The following XPC variants were observed in gnomAD, a reference collection of about 807,000 sequenced individuals.
XPC encodes XPC complex subunit, DNA damage recognition and repair factor, also known as DNA repair protein complementing XP-C cells.
XPC carries 76 observed loss-of-function variants against 95.8 expected under a neutral mutation model. The ratio of observed to expected loss-of-function variants is 0.79; its 90% CI spans 0.66 to 0.96. XPC has a LOEUF of 0.96. XPC is among the 40% of genes least tolerant of loss of function. XPC has a pLI of 0.00. For synonymous variants in XPC, 442 were observed against 442.1 expected, an observed-to-expected ratio of 1.00 and a Z score of 0.00; for missense variants, 1,146 against 1,179.8, an observed-to-expected ratio of 0.97 and a Z score of 0.42.
chr3:14,168,917 A>G (rs920768301), intron 3 of XPC, among the ~76,000 whole-genome samples: 1 of 152,244 alleles, frequency 6.6e-6, no homozygotes, highest in Non-Finnish European at 1.5e-5. Context: ...GTAGCTGAGA[A>G]GGACTGAACT....
At position 14,145,988 on chromosome 3, in the gene XPC, C is replaced by T. The variant is rs751002148; in HGVS notation, c.2776G>A (p.Glu926Lys). The T allele has an allele frequency of 6.2e-7, 1 of 1,608,954 alleles. No homozygotes were observed. ...AGGTGGGAAGCTGCTGCTTTCTTTT[C>T]CCTTTTGGTCTTCTTGGGCCCACCC... is the stretch of plus-strand genomic sequence containing the variant. The part of the protein sequence containing the change: ...LKGGPKKTKR[E>K]KKAAASHLFP... The change falls in exon 16 of 16, where the codon GAA becomes AAA. Residue 926 changes from glutamate to lysine, a missense_variant. Coordinates refer to ENST00000285021, the MANE Select transcript of XPC (RefSeq NM_004628.5).
rs749846358 is a variant in XPC, at chr3:14,148,691, G to A, written c.2291C>T (p.Pro764Leu). ...GACACAGCCAATAGGCATCATGCTG[G>A]GCAGGAAGAGGTACACATTCCCAAA... ...NEFGNVYLFL[P>L]SMMPIGCVQL... is the part of the protein sequence containing the mutation. Residue 764 changes from proline (P) to leucine (L), a missense_variant, in exon 13 of 16, where the codon CCC (proline) becomes CTC (leucine). Transcript: ENST00000285021. 4 of 1,613,894 alleles carry A rather than the reference G, an allele frequency of 2.5e-6. No individual in the cohort carries two copies. In the South Asian group the frequency reaches 4.4e-5, roughly 18 times the overall value.
chr3:14,145,696 T>C lies in XPC; in HGVS notation c.*245A>G, dbSNP rs571251753. 18 of 700,460 alleles carry C rather than the reference T, an allele frequency of 2.6e-5. No homozygotes were observed. Among genetic ancestry groups the C allele is most frequent in the Middle Eastern group, 7.3e-4 (2 of 2,736 alleles). 43.4% of individuals were successfully genotyped at this position (700,460 alleles called of 1,614,324 possible). A position where few individuals can be genotyped will look rare whatever the true frequency, so the allele number is the denominator to read the frequency against. ...TGTAGCTCAAAGGGTGAGTGGGCTT[T>C]GGTAGCAAAAAGCTTTGAAGGCTTC... On this transcript the variant is annotated 3_prime_UTR_variant, in exon 16 of 16. Coordinates refer to ENST00000285021, the MANE Select transcript of XPC (RefSeq NM_004628.5).
At chr3:14,178,376 G>T (rs2125053177) in intron 1 of XPC, 90 bp downstream of exon 1, 1 of 1,412,242 alleles carries the variant, frequency 7.1e-7, no homozygotes, top group African/African-American at 1.5e-5. Flanking sequence ...ACCTCCACCA[G>T]GCCTCCGCGT....
In XPC at chr3:14,168,284, G is replaced by A. The variant is rs1696468163; in HGVS notation, c.509C>T (p.Pro170Leu). The change falls in exon 4 of 16, where the codon CCA (proline) becomes CTA (leucine). Residue 170 changes from proline to leucine, a missense_variant. Transcript: ENST00000285021. ...TCTTTCTCTTGTCTTCGCCTGCTCT[G>A]GCGTTTCAATCTCTATCTCCACTGG... is the stretch of plus-strand genomic sequence containing the variant. ...VKPVEIEIET[P>L]EQAKTRERSE... 6.2e-7 allele frequency: 1 copy of A among 1,613,330 alleles called. No individual in the cohort carries two copies. Among genetic ancestry groups the A allele is most frequent in the East Asian group, 2.2e-5 (1 of 44,868 alleles).
chr3:14,147,332 A>G lies in XPC; in HGVS notation c.2562T>C (p.Gly854=). The G allele has an allele frequency of 1.2e-6, 2 of 1,612,074 alleles. No individual in the cohort carries two copies. The highest frequency in any genetic ancestry group is 1.7e-5 in the Admixed American group (1 of 59,826). Residue 854 remains glycine, a synonymous_variant, in exon 15 of 16, where the codon GGT becomes GGC. Transcript: ENST00000285021. ...ALGNWKLLAK[G]LLIRERLKRR... The stretch of plus-strand genomic sequence containing the variant: ...GCTTCAGCCTCTCCCTGATGAGCAG[A>G]CCTTTGGCCAGCAACTTCCAGTTCC...
chr3:14,148,508 G>T (rs1032634922), intron 13 of XPC, 54 bp downstream of exon 13: 3 of 1,594,272 alleles, frequency 1.9e-6, no homozygotes, highest in Non-Finnish European at 2.6e-6. Flanking sequence ...CCCATCTCTG[G>T]AGCCACCCCT....
At chr3:14,165,752 G>C in intron 5 of XPC, 167 bp from the exon 6 acceptor site, 1 of 737,800 alleles carries the variant, frequency 1.4e-6, no homozygotes, top group Non-Finnish European at 2.2e-6. Context: ...GCTTGTCTTT[G>C]ACCCTCTCTT....
Position 14,145,715 on chromosome 3 carries a change from A to G in XPC, c.*226T>C. 1.4e-6 allele frequency: 1 copy of G among 705,862 alleles called. No individual in the cohort carries two copies. Among genetic ancestry groups the G allele is most frequent in the East Asian group, 2.7e-5 (1 of 37,260 alleles). The allele number at this position is 705,862 out of a possible 1,614,324, so 43.7% of individuals were successfully genotyped here. A position where few individuals can be genotyped will look rare whatever the true frequency, so the allele number is the denominator to read the frequency against. ...GGGCTTTGGTAGCAAAAAGCTTTGAAGGCTTCACCCTGGGTGAATCTGACA... is the reference window on the plus strand; with the variant it reads ...GGGCTTTGGTAGCAAAAAGCTTTGAGGGCTTCACCCTGGGTGAATCTGACA... On this transcript the variant is annotated 3_prime_UTR_variant, in exon 16 of 16. Coordinates refer to ENST00000285021, the MANE Select transcript of XPC (RefSeq NM_004628.5).
rs1481272850 is a variant in XPC, at chr3:14,148,542, A to G, written c.2420+20T>C. ...CTCCCCATCCCTGTGTTTAGCCTCCATCGAAGGCCCCTCACGCACACGGGA... is the reference window on the plus strand; with the variant it reads ...CTCCCCATCCCTGTGTTTAGCCTCCGTCGAAGGCCCCTCACGCACACGGGA... On this transcript the variant is annotated intron_variant, in intron 13 of 15. Transcript: ENST00000285021. 1.2e-6 allele frequency: 2 copies of G among 1,612,840 alleles called. No individual in the cohort carries two copies. The highest frequency in any genetic ancestry group is 2.7e-5 in the African/African-American group (2 of 74,876).
chr3:14,164,797 C>T lies in XPC; in HGVS notation c.900+16G>A, dbSNP rs1553606592. 1.7e-5 allele frequency: 28 copies of T among 1,611,348 alleles called. No homozygotes were observed. Among genetic ancestry groups the T allele is most frequent in the Admixed American group, 5.0e-5 (3 of 59,620 alleles). ...ACAGTACTGATAAAAAACAGTGATC[C>T]GGGAGGATCACTTACATGGACCAAT... On this transcript the variant is annotated intron_variant, in intron 7 of 15. Coordinates refer to ENST00000285021, the MANE Select transcript of XPC (RefSeq NM_004628.5).
chr3:14,152,457 AG>A, intron 10 of XPC, 41 bp from the exon 11 acceptor site: 1 of 1,570,026 alleles, frequency 6.4e-7, no homozygotes. Flanking sequence ...CTCAGTCCAC[AG>A]CCCCACTGCG....
intron 11 of XPC, among the ~76,000 whole-genome samples, chr3:14,150,544 C>G (rs1042460327): frequency 1.3e-5 from 2 of 152,188 alleles, no homozygotes; most frequent in Non-Finnish European, 2.9e-5. Flanking sequence ...GCACACTGTT[C>G]AGTAAACTTC....
intron 1 of XPC, among the ~76,000 whole-genome samples, chr3:14,177,435 GAAA>G (rs985498452): frequency 6.6e-6 from 1 of 152,066 alleles, no homozygotes; most frequent in Admixed American, 6.5e-5. Flanking sequence ...TGAAGAAATA[GAAA>G]AAATCAGCCC....
chr3:14,148,131 C>G (rs528436263), intron 13 of XPC, 130 bp from the exon 14 acceptor site: 4 of 738,472 alleles, frequency 5.4e-6, no homozygotes, highest in African/African-American at 3.5e-5. Flanking sequence ...GCGGGTCAGC[C>G]AGTGTCCCAC....
intron 3 of XPC, among the ~76,000 whole-genome samples, chr3:14,169,757 A>G (rs1696535941): frequency 6.6e-6 from 1 of 152,252 alleles, no homozygotes; most frequent in East Asian, 1.9e-4. Flanking sequence ...CACAATGAAT[A>G]TTTACAGAGA....
At chr3:14,169,470 A>G (rs1696524397) in intron 3 of XPC, among the ~76,000 whole-genome samples, 1 of 152,244 alleles carries the variant, frequency 6.6e-6, no homozygotes, top group Admixed American at 6.5e-5. Context: ...AGGCAGTGCT[A>G]TGAAAAGCAA....
chr3:14,166,646 G>A (rs112577454), intron 5 of XPC, among the ~76,000 whole-genome samples: 3 of 152,100 alleles, frequency 2.0e-5, no homozygotes, highest in African/African-American at 7.2e-5. Context: ...CCTACATAAA[G>A]CCTTCCCCAG....
chr3:14,173,965 T>A (rs1334614877), intron 1 of XPC, among the ~76,000 whole-genome samples: 1 of 152,154 alleles, frequency 6.6e-6, no homozygotes, highest in African/African-American at 2.4e-5. Flanking sequence ...ATAAAATTAT[T>A]TAATAATTCA....
Sources: allele counts gnomAD v4.1 joint callset (sites outside exome capture counted in the v4.1 genomes callset), GRCh38; gene constraint gnomAD v4.1.1; transcripts MANE v1.5; gene names NCBI Gene and HGNC (gene_info 2026-07-23, HGNC 2026-07-21).